Variants in PKIB observed in about 807,000 individuals in gnomAD.
PKIB encodes cAMP-dependent protein kinase inhibitor beta.
In PKIB, 2 loss-of-function variants were observed where a neutral mutation model predicts 4.5. The ratio of observed to expected loss-of-function variants is 0.44; its 90% confidence interval spans 0.18 to 1.39. The LOEUF is 1.39. PKIB is among the 40% of genes most tolerant of loss of function. PKIB has a pLI of 0.27. For synonymous variants in PKIB, 38 were observed against 36.0 expected, an observed-to-expected ratio of 1.06 and a Z score of -0.20; for missense variants, 94 against 92.6, an observed-to-expected ratio of 1.02 and a Z score of -0.06.
intron 2 of PKIB, among the ~76,000 whole-genome samples, chr6:122,560,719 G>C (rs1030427430): frequency 5.9e-5 from 9 of 152,022 alleles, no homozygotes; most frequent in African/African-American, 2.2e-4. Flanking sequence ...TAATCTCGCT[G>C]CTTGTTATTG....
chr6:122,570,086 A>C (rs1388557630), intron 2 of PKIB, among the ~76,000 whole-genome samples: 1 of 152,210 alleles, frequency 6.6e-6, no homozygotes, highest in African/African-American at 2.4e-5. Flanking sequence ...CCACAGGAAG[A>C]GCACTTTCCA....
chr6:122,511,719 C>A (rs1776592223), intron 2 of PKIB, among the ~76,000 whole-genome samples: 1 of 152,158 alleles, frequency 6.6e-6, no homozygotes, highest in African/African-American at 2.4e-5. Context: ...TCACTTAGAT[C>A]TAAGAAGCAG....
At chr6:122,586,592 C>T (rs1360713065) in intron 3 of PKIB, among the ~76,000 whole-genome samples, 1 of 152,140 alleles carries the variant, frequency 6.6e-6, no homozygotes, top group Non-Finnish European at 1.5e-5. Context: ...TTTTTCTCTT[C>T]AGTCTTTACT....
At chr6:122,566,400 C>A (rs1029591277) in intron 2 of PKIB, among the ~76,000 whole-genome samples, 5 of 151,966 alleles carry the variant, frequency 3.3e-5, no homozygotes, top group Admixed American at 3.3e-4. Flanking sequence ...AATTATTTCA[C>A]AAGATTTTTT....
At chr6:122,572,847 T>G (rs981498245) in intron 2 of PKIB, among the ~76,000 whole-genome samples, 4 of 152,078 alleles carry the variant, frequency 2.6e-5, no homozygotes, top group African/African-American at 9.7e-5. Context: ...ATGAACACCT[T>G]TATACACACA....
chr6:122,502,422 G>C (rs903167723), intron 2 of PKIB, among the ~76,000 whole-genome samples: 1 of 151,856 alleles, frequency 6.6e-6, no homozygotes, highest in African/African-American at 2.4e-5. Context: ...TCTGCAGGCT[G>C]TACAGGAGGC....
chr6:122,531,825 G>T (rs529809780), intron 2 of PKIB, among the ~76,000 whole-genome samples: 1 of 152,254 alleles, frequency 6.6e-6, no homozygotes, highest in East Asian at 1.9e-4. Context: ...GTTAATCTTT[G>T]TGGCTTTAGC....
intron 2 of PKIB, among the ~76,000 whole-genome samples, chr6:122,536,858 G>A (rs965032687): frequency 6.8e-6 from 1 of 147,864 alleles, no homozygotes; most frequent in Admixed American, 6.7e-5. Context: ...AAATATAGCA[G>A]GCATAAAAGA....
intron 2 of PKIB, among the ~76,000 whole-genome samples, chr6:122,564,201 G>A (rs1325486419): frequency 6.6e-6 from 1 of 152,128 alleles, no homozygotes; most frequent in African/African-American, 2.4e-5. Flanking sequence ...TATCTCCAGG[G>A]TCCTGCAGGA....
At chr6:122,695,337 A>G (rs1341441683) in intron 3 of PKIB, among the ~76,000 whole-genome samples, 1 of 152,154 alleles carries the variant, frequency 6.6e-6, no homozygotes, top group African/African-American at 2.4e-5. Context: ...ATTTTATGAC[A>G]CCTAAATGTG....
intron 2 of PKIB, among the ~76,000 whole-genome samples, chr6:122,669,055 A>AAAAAC (rs1212554106): frequency 3.9e-5 from 6 of 152,316 alleles, no homozygotes; most frequent in Admixed American, 6.5e-5. Context: ...TTCCTATTAA[A>AAAAAC]AAAACAAAAC....
At chr6:122,607,085 AAAT>A (rs1194935169), upstream of PKIB, among the ~76,000 whole-genome samples, 2 of 150,318 alleles carry the variant, frequency 1.3e-5, no homozygotes, top group East Asian at 1.9e-4. Flanking sequence ...GTAAAAAAAA[AAAT>A]AATAATAATA....
At chr6:122,638,657 A>G (rs1367680561) in intron 2 of PKIB, among the ~76,000 whole-genome samples, 2 of 152,118 alleles carry the variant, frequency 1.3e-5, no homozygotes, top group Non-Finnish European at 2.9e-5. Context: ...TTTTCTCAGT[A>G]TTGCGTTTAG....
At chr6:122,573,462 C>T (rs1021156863) in intron 2 of PKIB, among the ~76,000 whole-genome samples, 8 of 140,618 alleles carry the variant, frequency 5.7e-5, no homozygotes, top group Non-Finnish European at 1.2e-4. Flanking sequence ...GCAGAGGTTG[C>T]AGTAAGCTGA....
At chr6:122,639,741 G>A (rs1401183983) in intron 2 of PKIB, among the ~76,000 whole-genome samples, 1 of 152,162 alleles carries the variant, frequency 6.6e-6, no homozygotes, top group African/African-American at 2.4e-5. Context: ...TGAATGGATG[G>A]AATTAGAGGA....
intron 1 of PKIB, among the ~76,000 whole-genome samples, chr6:122,618,740 G>A (rs1775093392): frequency 6.6e-6 from 1 of 151,952 alleles, no homozygotes; most frequent in African/African-American, 2.4e-5. Context: ...ACCAAATTCA[G>A]TTTTATAAAC....
intron 2 of PKIB, among the ~76,000 whole-genome samples, chr6:122,662,946 A>G (rs912621894): frequency 2.6e-5 from 4 of 152,212 alleles, no homozygotes; most frequent in Admixed American, 6.5e-5. Flanking sequence ...TAGTGGCTCA[A>G]TTCCTTAGGT....
intron 3 of PKIB, among the ~76,000 whole-genome samples, chr6:122,601,744 C>A (rs1426286573): frequency 6.6e-6 from 1 of 152,108 alleles, no homozygotes; most frequent in Non-Finnish European, 1.5e-5. Context: ...TTTTGTCTGG[C>A]TTACTTTATC....
At chr6:122,722,730 A>T (rs1326190081) in intron 4 of PKIB, among the ~76,000 whole-genome samples, 1 of 152,216 alleles carries the variant, frequency 6.6e-6, no homozygotes, top group African/African-American at 2.4e-5. Flanking sequence ...TATGATTGTT[A>T]GGGTGCAAAT....
Sources: gnomAD v4.1 joint callset for allele counts (sites outside exome capture counted in the v4.1 genomes callset) on GRCh38, gnomAD v4.1.1 for gene constraint, MANE v1.5 for transcripts, NCBI Gene and HGNC (gene_info 2026-07-23, HGNC 2026-07-21) for gene names.